The following GRIK1 variants were observed in gnomAD, a reference collection of about 807,000 sequenced individuals.
GRIK1 encodes the protein glutamate ionotropic receptor kainate type subunit 1, also known as glutamate receptor ionotropic, kainate 1.
In GRIK1, 69 loss-of-function variants were observed where a neutral mutation model predicts 105.7. The observed-to-expected ratio is 0.65, with a 90% CI of 0.54 to 0.80. The LOEUF (loss-of-function observed/expected upper bound fraction) is 0.80, where lower values mean the gene tolerates loss of function less well. Among genes scored for constraint, GRIK1 ranks in the 30% least tolerant of loss-of-function variants. GRIK1 has a pLI of 0.00. For missense variants in GRIK1, 1,109 were observed against 1,167.3 expected (o/e 0.95, Z 0.73); for synonymous variants, 438 against 431.3 (o/e 1.02, Z -0.19).
intron 4 of GRIK1, among the ~76,000 whole-genome samples, chr21:29,671,404 A>AT (rs546244357): frequency 0.015 from 2,189 of 142,306 alleles, 31 homozygotes; most frequent in African/African-American, 0.039. Context: ...TTTAAATAGA[A>AT]TTTTTTTTTT....
At chr21:29,794,264 T>C (rs2145831903) in intron 1 of GRIK1, among the ~76,000 whole-genome samples, 1 of 152,300 alleles carries the variant, frequency 6.6e-6, no homozygotes, top group South Asian at 2.1e-4. Flanking sequence ...TCCCTAACAA[T>C]TTAGTGCATA....
chr21:29,815,401 C>T (rs569137779), intron 1 of GRIK1, among the ~76,000 whole-genome samples: 1 of 152,252 alleles, frequency 6.6e-6, no homozygotes, highest in African/African-American at 2.4e-5. Flanking sequence ...AAGTGCTTAG[C>T]ACAGTGTCTG....
intron 1 of GRIK1, among the ~76,000 whole-genome samples, chr21:29,807,651 A>C (rs2066901931): frequency 6.6e-6 from 1 of 152,118 alleles, no homozygotes; most frequent in African/African-American, 2.4e-5. Context: ...CATAGCAACA[A>C]AGCAGAAAAT....
intron 1 of GRIK1, among the ~76,000 whole-genome samples, chr21:29,852,089 G>T (rs534242425): frequency 1.3e-5 from 2 of 151,036 alleles, no homozygotes; most frequent in South Asian, 4.2e-4. Context: ...CATTCCCATT[G>T]TCAGCACTAA....
Position 29,831,754 on chromosome 21 carries a change from C to T in GRIK1, c.118+107629G>A, listed in dbSNP as rs144269203. ...ATTCAACATGAGATTTGGGCAGGGA[C>T]ACAAATAAAAACATACCATTCTGCC... On this transcript the variant is annotated intron_variant, in intron 1 of 17. Coordinates refer to ENST00000327783, the MANE Select transcript of GRIK1 (RefSeq NM_001330994.2). Among the ~76,000 whole-genome samples the T allele has an allele frequency of 1.7e-3, 252 of 152,236 alleles. 2 individuals carry two copies. The highest frequency in any genetic ancestry group is 8.7e-3 in the South Asian group (42 of 4,824).
chr21:29,859,700 A>C (rs1165269141), intron 1 of GRIK1, among the ~76,000 whole-genome samples: 8 of 152,192 alleles, frequency 5.3e-5, no homozygotes, highest in Non-Finnish European at 1.2e-4. Context: ...GGGGACGCTA[A>C]CCTGGGCTCC....
chr21:29,560,519 CCTTTCTTTCTTT>C (rs1201508832), intron 15 of GRIK1, among the ~76,000 whole-genome samples: 17 of 57,812 alleles, frequency 2.9e-4, no homozygotes, highest in Non-Finnish European at 4.0e-4. Context: ...TTCCTTCCTT[CCTTTCTTTCTTT>C]CTTTCTTTCT....
intron 1 of GRIK1, among the ~76,000 whole-genome samples, chr21:29,853,494 G>C (rs1219969635): frequency 6.6e-6 from 1 of 152,120 alleles, no homozygotes; most frequent in Non-Finnish European, 1.5e-5. Flanking sequence ...TATCTCTTGG[G>C]GGCAAAATTG....
intron 1 of GRIK1, among the ~76,000 whole-genome samples, chr21:29,902,567 C>T (rs1189386974): frequency 6.6e-6 from 1 of 152,074 alleles, no homozygotes; most frequent in East Asian, 1.9e-4. Context: ...AATCAAATAC[C>T]TAGGAATACA....
chr21:29,553,696 A>G (rs1323871726), intron 16 of GRIK1: 3 of 1,575,264 alleles, frequency 1.9e-6, no homozygotes, highest in Non-Finnish European at 2.6e-6. Flanking sequence ...CATAAAAGAA[A>G]CAAAAAGCCT....
intron 16 of GRIK1, among the ~76,000 whole-genome samples, chr21:29,549,865 G>A (rs1022047695): frequency 2.0e-5 from 3 of 152,006 alleles, no homozygotes; most frequent in Admixed American, 6.5e-5. Context: ...TCAGCACTTT[G>A]GGGGGCCGAG....
At chr21:29,783,119 T>G (rs1344444413) in intron 1 of GRIK1, among the ~76,000 whole-genome samples, 10 of 152,220 alleles carry the variant, frequency 6.6e-5, no homozygotes, top group Non-Finnish European at 1.5e-4. Flanking sequence ...AATCTGATAT[T>G]AGATTTTTTA....
chr21:29,927,745 C>G (rs1253351437), intron 1 of GRIK1, among the ~76,000 whole-genome samples: 1 of 151,990 alleles, frequency 6.6e-6, no homozygotes. Context: ...GTGGCATGTG[C>G]CTGTAGTCCC....
rs1416925705 is a variant in GRIK1 at position 29,939,426 on chromosome 21, G to C, written c.75C>G (p.Leu25=). 1.3e-6 allele frequency: 2 copies of C among 1,585,660 alleles called. No individual in the cohort carries two copies. Among genetic ancestry groups the C allele is most frequent in the Non-Finnish European group, 1.7e-6 (2 of 1,164,904 alleles). ...GGGCGGTCTGAGGGAGGATATAGCA[G>C]AGGAAATAGAGGAGTGCCCAGCTGG... ...RDTSWALLYF[L]CYILPQTAPQ... The change falls in exon 1 of 18, where the codon CTC becomes CTG. Residue 25 remains leucine (L), a synonymous_variant. Coordinates refer to ENST00000327783, the MANE Select transcript of GRIK1 (RefSeq NM_001330994.2).
chr21:29,565,501 C>T (rs748354993), intron 14 of GRIK1, among the ~76,000 whole-genome samples: 28 of 152,198 alleles, frequency 1.8e-4, no homozygotes, highest in Non-Finnish European at 2.8e-4. Flanking sequence ...GGCACGATCT[C>T]GGCTCACTAC....
chr21:29,550,726 A>G (rs1384886808), intron 16 of GRIK1, among the ~76,000 whole-genome samples: 1 of 152,192 alleles, frequency 6.6e-6, no homozygotes, highest in African/African-American at 2.4e-5. Context: ...ACCAGATTCC[A>G]TTTTAAGATG....
intron 1 of GRIK1, among the ~76,000 whole-genome samples, chr21:29,927,030 C>T (rs2071392366): frequency 6.6e-6 from 1 of 152,118 alleles, no homozygotes; most frequent in Non-Finnish European, 1.5e-5. Flanking sequence ...ATATTTCAAA[C>T]TCAGTTGTAT....
At chr21:29,675,955 T>C (rs1209893929) in intron 3 of GRIK1, among the ~76,000 whole-genome samples, 1 of 152,172 alleles carries the variant, frequency 6.6e-6, no homozygotes, top group Non-Finnish European at 1.5e-5. Context: ...TTAACTATAT[T>C]AATACATAGC....
intron 1 of GRIK1, among the ~76,000 whole-genome samples, chr21:29,936,703 T>C (rs986169960): frequency 1.3e-5 from 2 of 152,240 alleles, no homozygotes; most frequent in African/African-American, 4.8e-5. Flanking sequence ...CAGTGTATGC[T>C]CAAATCACGT....
Sources: gnomAD v4.1 joint callset for allele counts (sites outside exome capture counted in the v4.1 genomes callset) on GRCh38, gnomAD v4.1.1 for gene constraint, MANE v1.5 for transcripts, NCBI Gene and HGNC (gene_info 2026-07-23, HGNC 2026-07-21) for gene names.